The following BIRC6 variants were observed in gnomAD, a reference collection of about 807,000 sequenced individuals.
The protein encoded by BIRC6 is dual E2 ubiquitin-conjugating enzyme/E3 ubiquitin-protein ligase BIRC6.
BIRC6 carries 98 observed loss-of-function variants against 503.3 expected under a neutral mutation model. The ratio of observed to expected loss-of-function variants is 0.19; its 90% CI spans 0.17 to 0.23. The LOEUF (loss-of-function observed/expected upper bound fraction) is 0.23. BIRC6 is among the 10% of genes least tolerant of loss of function. BIRC6 has a pLI of 1.00. For synonymous variants in BIRC6, 2,240 were observed against 2,078.7 expected (o/e 1.08, Z -2.11); for missense variants, 5,360 against 5,806.0 (o/e 0.92, Z 2.50).
At chr2:32,477,693 G>C in intron 35 of BIRC6, 110 bp downstream of exon 35, 1 of 628,134 alleles carries the variant, frequency 1.6e-6, no homozygotes, top group Non-Finnish European at 2.5e-6. Context: ...GAGTCTAGGA[G>C]TTCCAGACTA....
chr2:32,505,975 T>C (rs1272873675), intron 50 of BIRC6, among the ~76,000 whole-genome samples: 2 of 151,968 alleles, frequency 1.3e-5, no homozygotes, highest in East Asian at 3.9e-4. Context: ...GCCTCATGTA[T>C]AGCTGGGACC....
chr2:32,374,856 A>T (rs2036514897), intron 1 of BIRC6, among the ~76,000 whole-genome samples: 1 of 152,158 alleles, frequency 6.6e-6, no homozygotes, highest in Non-Finnish European at 1.5e-5. Context: ...CCTTCCGTGT[A>T]GGCCTCCCTA....
chr2:32,396,532 CAG>C (rs2039909515), intron 6 of BIRC6, among the ~76,000 whole-genome samples: 1 of 152,120 alleles, frequency 6.6e-6, no homozygotes, highest in Non-Finnish European at 1.5e-5. Flanking sequence ...TATCTGCAGG[CAG>C]AGAGTTGAAT....
chr2:32,369,053 C>T (rs1318598659), intron 1 of BIRC6, among the ~76,000 whole-genome samples: 2 of 152,112 alleles, frequency 1.3e-5, no homozygotes, highest in Non-Finnish European at 2.9e-5. Flanking sequence ...TTTAGGTAGT[C>T]TTGGGAAGGC....
intron 5 of BIRC6, among the ~76,000 whole-genome samples, chr2:32,392,765 C>G (rs1375082826): frequency 6.6e-6 from 1 of 152,006 alleles, no homozygotes; most frequent in Non-Finnish European, 1.5e-5. Flanking sequence ...GCTGAGACTA[C>G]AGGTGTGTGC....
chr2:32,477,262 T>C (rs2049870973), intron 34 of BIRC6, 106 bp from the exon 35 acceptor site: 1 of 1,215,260 alleles, frequency 8.2e-7, no homozygotes, highest in Admixed American at 2.6e-5. Flanking sequence ...AATTTTGCTC[T>C]TTAGAAGTTG....
intron 32 of BIRC6, among the ~76,000 whole-genome samples, chr2:32,471,644 A>C (rs972327320): frequency 6.6e-6 from 1 of 152,034 alleles, no homozygotes; most frequent in Non-Finnish European, 1.5e-5. Context: ...TTATTTTATT[A>C]CCCTCTTCCC....
chr2:32,363,526 ATTACTGGGGGTGATGATTTCTC>A (rs1328203706), intron 1 of BIRC6, among the ~76,000 whole-genome samples: 1 of 152,068 alleles, frequency 6.6e-6, no homozygotes, highest in African/African-American at 2.4e-5. Context: ...CTCTTACTTA[ATTACTGGGGGTGATGATTTCTC>A]TTACTTCCTG....
In BIRC6 at chr2:32,490,042, A is replaced by G. The variant is rs1246673214; in HGVS notation, c.8097A>G (p.Ala2699=). ...TTTCCCTTTCTCTTTTCTGCATAGC[A>G]TCAATAACTAGCTTTCTCACAGTGT... ...NRIPVISLNQ[A]SITSFLTVLA... Residue 2699 remains alanine (A), a splice_region_variant and synonymous_variant, in exon 43 of 74, where the codon GCA becomes GCG. Transcript: ENST00000421745. The G allele has an allele frequency of 6.2e-7, 1 of 1,601,240 alleles. No individual in the cohort carries two copies. The highest frequency in any genetic ancestry group is 2.2e-5 in the East Asian group (1 of 44,728).
At chr2:32,540,127 T>C (rs1337174206) in intron 61 of BIRC6, among the ~76,000 whole-genome samples, 1 of 152,066 alleles carries the variant, frequency 6.6e-6, no homozygotes, top group Non-Finnish European at 1.5e-5. Context: ...TGCAGAATTG[T>C]AATCAAACAT....
chr2:32,393,098 C>T (rs187771527), intron 5 of BIRC6, among the ~76,000 whole-genome samples: 10 of 151,790 alleles, frequency 6.6e-5, no homozygotes, highest in African/African-American at 2.2e-4. Flanking sequence ...TTTACAGTTT[C>T]GAAATTCTCA....
chr2:32,380,994 A>G (rs1397814617), intron 3 of BIRC6, among the ~76,000 whole-genome samples: 3 of 152,294 alleles, frequency 2.0e-5, no homozygotes, highest in Middle Eastern at 3.4e-3. Flanking sequence ...TGGGATGTAT[A>G]TGAGAGACAG....
intron 13 of BIRC6, among the ~76,000 whole-genome samples, chr2:32,434,295 CTGAG>C (rs2044444811): frequency 6.6e-6 from 1 of 152,140 alleles, no homozygotes; most frequent in African/African-American, 2.4e-5. Flanking sequence ...GATGTTACTA[CTGAG>C]TGTTTTCTCC....
At chr2:32,604,470 A>G (rs1162454598) in intron 71 of BIRC6, among the ~76,000 whole-genome samples, 2 of 152,226 alleles carry the variant, frequency 1.3e-5, no homozygotes, top group Non-Finnish European at 2.9e-5. Flanking sequence ...TAAGTTCACT[A>G]TTGAAAAATA....
At chr2:32,445,726 G>A in intron 21 of BIRC6, 58 bp downstream of exon 21, 2 of 1,230,060 alleles carry the variant, frequency 1.6e-6, no homozygotes, top group Non-Finnish European at 2.1e-6. Context: ...TCACGCTTTT[G>A]CAGAGAACTG....
chr2:32,494,085 A>C (rs2149366225), intron 45 of BIRC6, among the ~76,000 whole-genome samples: 1 of 152,344 alleles, frequency 6.6e-6, no homozygotes, highest in South Asian at 2.1e-4. Flanking sequence ...ATTTATTAAC[A>C]AAATCAGACT....
intron 27 of BIRC6, 75 bp from the exon 28 acceptor site, chr2:32,467,824 ACTAT>A (rs1467773922): frequency 7.0e-7 from 1 of 1,431,630 alleles, no homozygotes; most frequent in Non-Finnish European, 9.4e-7. Flanking sequence ...AAAAAATATA[ACTAT>A]CTTTTTAAAT....
rs757823339 is a variant in BIRC6, at chr2:32,501,730, C to T, written c.9049C>T (p.Leu3017Phe). 5.6e-6 allele frequency: 9 copies of T among 1,610,338 alleles called. No individual in the cohort carries two copies. The highest frequency in any genetic ancestry group is 2.7e-5 in the African/African-American group (2 of 74,638). ...TTTCTTAGGAGCAAGTGGATTACAT[C>T]TCACTAAACATGAAAACTTTCATGG... ...AMIIGASGLH[L>F]TKHENFHGGL... Residue 3017 changes from leucine (L) to phenylalanine (F), a missense_variant, in exon 47 of 74, where the codon CTC becomes TTC. This residue lies in a region of BIRC6 where 267 missense variants were observed against 287.6 expected (regional missense o/e 0.93). Coordinates refer to ENST00000421745, the MANE Select transcript of BIRC6 (RefSeq NM_016252.4).
At chr2:32,498,249 T>G (rs2052725450) in intron 45 of BIRC6, among the ~76,000 whole-genome samples, 1 of 152,126 alleles carries the variant, frequency 6.6e-6, no homozygotes, top group Admixed American at 6.6e-5. Flanking sequence ...GTATATTTTG[T>G]AGGCGTAGTT....
Sources: gnomAD v4.1 joint callset for allele counts (sites outside exome capture counted in the v4.1 genomes callset) on GRCh38, gnomAD v4.1.1 for gene constraint, gnomAD v4.1.1 regional missense constraint, MANE v1.5 for transcripts, NCBI Gene and HGNC (gene_info 2026-07-23, HGNC 2026-07-21) for gene names.